The following SLC41A2 variants were observed in gnomAD, a reference collection of about 807,000 sequenced individuals.
SLC41A2 encodes the protein solute carrier family 41 member 2.
Under a neutral mutation model 58.3 loss-of-function variants are expected in SLC41A2, and 32 were observed. The observed-to-expected ratio is 0.55, with a 90% CI of 0.41 to 0.74. The LOEUF (loss-of-function observed/expected upper bound fraction) is 0.74. Among genes scored for constraint, SLC41A2 ranks in the 30% least tolerant of loss-of-function variants. The pLI, the probability that SLC41A2 is intolerant of heterozygous loss-of-function variation, is 0.00. For missense variants in SLC41A2, 514 were observed against 680.6 expected, an observed-to-expected ratio of 0.76 and a Z score of 2.72; for synonymous variants, 190 against 235.0, an observed-to-expected ratio of 0.81 and a Z score of 1.75.
intron 10 of SLC41A2, among the ~76,000 whole-genome samples, chr12:104,822,570 G>A (rs2041678069): frequency 6.6e-6 from 1 of 152,116 alleles, no homozygotes; most frequent in African/African-American, 2.4e-5. Context: ...AGGAATATAT[G>A]CTGTTTTATG....
At chr12:104,815,926 A>T (rs1430370175) in intron 10 of SLC41A2, among the ~76,000 whole-genome samples, 1 of 152,170 alleles carries the variant, frequency 6.6e-6, no homozygotes, top group African/African-American at 2.4e-5. Flanking sequence ...GGAAGGTGGG[A>T]AATAAATGGT....
intron 2 of SLC41A2, among the ~76,000 whole-genome samples, chr12:104,911,834 T>A (rs2046101096): frequency 6.6e-6 from 1 of 152,120 alleles, no homozygotes. Flanking sequence ...GGGGGTTCAA[T>A]GGCACCCCAG....
intron 2 of SLC41A2, among the ~76,000 whole-genome samples, chr12:104,923,418 A>G (rs7978803): frequency 0.023 from 3,520 of 151,302 alleles, 154 homozygotes; most frequent in African/African-American, 0.081. Context: ...ATGCACCCCA[A>G]GGAACTAGAA....
intron 6 of SLC41A2, among the ~76,000 whole-genome samples, chr12:104,878,461 C>T (rs1230142398): frequency 7.3e-5 from 11 of 151,714 alleles, no homozygotes; most frequent in Non-Finnish European, 1.2e-4. Flanking sequence ...ATCCCTCCCC[C>T]GTCCCCCCAC....
intron 1 of SLC41A2, among the ~76,000 whole-genome samples, chr12:104,931,985 T>C (rs2047070749): frequency 6.6e-6 from 1 of 152,222 alleles, no homozygotes; most frequent in Non-Finnish European, 1.5e-5. Context: ...TGTGTGTGTG[T>C]TTTTAAATAA....
chr12:104,845,712 G>T, intron 9 of SLC41A2, 131 bp downstream of exon 9: 2 of 797,368 alleles, frequency 2.5e-6, no homozygotes, highest in Non-Finnish European at 3.7e-6. Context: ...TTCATTCACT[G>T]GGATTAGCTC....
intron 1 of SLC41A2, among the ~76,000 whole-genome samples, chr12:104,948,743 G>T (rs188821967): frequency 6.6e-6 from 1 of 152,318 alleles, no homozygotes; most frequent in East Asian, 1.9e-4. Context: ...TAGAACCAAG[G>T]TGTATCATCA....
chr12:104,911,130 A>C (rs2046067390), intron 2 of SLC41A2, among the ~76,000 whole-genome samples: 1 of 152,166 alleles, frequency 6.6e-6, no homozygotes, highest in Non-Finnish European at 1.5e-5. Context: ...CTTTGAATCC[A>C]CCTATGACTT....
chr12:104,810,670 A>G (rs187936241), intron 10 of SLC41A2, among the ~76,000 whole-genome samples: 1 of 152,270 alleles, frequency 6.6e-6, no homozygotes, highest in Non-Finnish European at 1.5e-5. Context: ...TCCTTGCCAC[A>G]TTCTCAGGAA....
At position 104,925,576 on chromosome 12, in the gene SLC41A2, A is replaced by AT. The variant is rs35778348; in HGVS notation, c.555+2396dup. On this transcript the variant is annotated intron_variant, in intron 2 of 10. Transcript: ENST00000258538. ...CCATCTCAAAAAAAGAAAAAAAAAA[A>AT]TTTATATTACGTTTCTACAATGTTT... Among the ~76,000 whole-genome samples, 226 of 151,512 alleles carry AT rather than the reference A, an allele frequency of 1.5e-3. 1 individual carries two copies. Among genetic ancestry groups the AT allele is most frequent in the African/African-American group, 5.0e-3 (206 of 41,216 alleles).
At chr12:104,894,175 G>A (rs1484599194) in intron 4 of SLC41A2, among the ~76,000 whole-genome samples, 2 of 151,824 alleles carry the variant, frequency 1.3e-5, no homozygotes, top group African/African-American at 2.4e-5. Flanking sequence ...ACTACATGGC[G>A]AAACCCCGTC....
chr12:104,907,842 T>C (rs2045917915), intron 3 of SLC41A2, among the ~76,000 whole-genome samples: 2 of 152,320 alleles, frequency 1.3e-5, no homozygotes, highest in South Asian at 4.1e-4. Context: ...ACCTGGCATA[T>C]AATAAGAGCT....
intron 7 of SLC41A2, among the ~76,000 whole-genome samples, 182 bp downstream of exon 7, chr12:104,866,250 T>A (rs2043437998): frequency 6.6e-6 from 1 of 152,150 alleles, no homozygotes; most frequent in South Asian, 2.1e-4. Context: ...AGATCCCTTG[T>A]TATAATACCC....
intron 2 of SLC41A2, among the ~76,000 whole-genome samples, chr12:104,923,583 A>C (rs1318265837): frequency 6.6e-6 from 1 of 152,126 alleles, no homozygotes; most frequent in Non-Finnish European, 1.5e-5. Context: ...TAGCTAGACT[A>C]TGAAAAAAAG....
At chr12:104,856,835 T>A (rs974994672) in intron 8 of SLC41A2, among the ~76,000 whole-genome samples, 6 of 152,114 alleles carry the variant, frequency 3.9e-5, no homozygotes, top group African/African-American at 1.4e-4. Context: ...AGACTCTATT[T>A]TCTCTGTAAG....
intron 10 of SLC41A2, among the ~76,000 whole-genome samples, chr12:104,842,416 T>C (rs1450767156): frequency 1.3e-5 from 2 of 152,130 alleles, no homozygotes; most frequent in East Asian, 1.9e-4. Flanking sequence ...ATTAAAGTTA[T>C]AAAAGACACA....
chr12:104,844,623 G>A lies in SLC41A2; in HGVS notation c.1388-3C>T, dbSNP rs539205970. 14 of 1,476,496 alleles carry A rather than the reference G, an allele frequency of 9.5e-6. No homozygotes were observed. The East Asian group carries it at 3.2e-4, about 34-fold the overall frequency. 91.5% of individuals were successfully genotyped at this position (1,476,496 alleles called of 1,614,324 possible). A position where few individuals can be genotyped will look rare whatever the true frequency, so the allele number is the denominator to read the frequency against. Reference sequence around the variant, plus strand: ...TTGAGCAGACTTATTATTTACTCCTGTAATATAAAATGTAAAAGTAATTAA... The same window carrying A: ...TTGAGCAGACTTATTATTTACTCCTATAATATAAAATGTAAAAGTAATTAA... On this transcript the variant is annotated splice_region_variant and splice_polypyrimidine_tract_variant and intron_variant, in intron 9 of 10. Coordinates refer to ENST00000258538, the MANE Select transcript of SLC41A2 (RefSeq NM_001352171.3).
intron 1 of SLC41A2, among the ~76,000 whole-genome samples, chr12:104,932,813 GA>G (rs1275149693): frequency 6.6e-6 from 1 of 151,856 alleles, no homozygotes; most frequent in Admixed American, 6.6e-5. Flanking sequence ...ACAGCGCTGA[GA>G]AAATTAGACA....
chr12:104,863,220 T>C (rs2043277200), intron 7 of SLC41A2, among the ~76,000 whole-genome samples: 1 of 152,188 alleles, frequency 6.6e-6, no homozygotes, highest in South Asian at 2.1e-4. Flanking sequence ...AGAGGACTGC[T>C]TGAGACTAGC....
Sources: allele counts gnomAD v4.1 joint callset (sites outside exome capture counted in the v4.1 genomes callset), GRCh38; gene constraint gnomAD v4.1.1; transcripts MANE v1.5; gene names NCBI Gene and HGNC (gene_info 2026-07-23, HGNC 2026-07-21).